Variants in MYO1D observed in about 807,000 individuals in gnomAD.
MYO1D encodes the protein myosin ID, also known as unconventional myosin-Id.
A neutral mutation model predicts 122.0 loss-of-function variants in MYO1D; 83 were observed. The ratio of observed to expected loss-of-function variants is 0.68; its 90% CI spans 0.57 to 0.82. The LOEUF (loss-of-function observed/expected upper bound fraction) is 0.82. Ranked by LOEUF, MYO1D falls within the 40% of genes least tolerant of loss-of-function variation. MYO1D has a pLI of 0.00. For synonymous variants in MYO1D, 464 were observed against 446.9 expected, an observed-to-expected ratio of 1.04 and a Z score of -0.48; for missense variants, 1,157 against 1,269.5, an observed-to-expected ratio of 0.91 and a Z score of 1.35.
At chr17:32,845,449 T>C (rs956891039) in intron 1 of MYO1D, among the ~76,000 whole-genome samples, 1 of 152,206 alleles carries the variant, frequency 6.6e-6, no homozygotes, top group African/African-American at 2.4e-5. Context: ...TAATGTCATT[T>C]TATATTTTCA....
At chr17:32,645,806 A>C (rs543982857) in intron 19 of MYO1D, among the ~76,000 whole-genome samples, 136 of 152,220 alleles carry the variant, frequency 8.9e-4, no homozygotes, top group African/African-American at 3.2e-3. Flanking sequence ...CCATTCATCT[A>C]ATCTTTTTTC....
At chr17:32,642,487 T>C (rs1322037554) in intron 19 of MYO1D, among the ~76,000 whole-genome samples, 5 of 152,210 alleles carry the variant, frequency 3.3e-5, no homozygotes, top group Admixed American at 2.6e-4. Context: ...GGTAGCTTGA[T>C]GGGGATGGCA....
At position 32,659,243 on chromosome 17, in the gene MYO1D, G is replaced by A. The variant is rs765573290; in HGVS notation, c.2217C>T (p.Tyr739=). 1.2e-6 allele frequency: 2 copies of A among 1,614,220 alleles called. No homozygotes were observed. Among genetic ancestry groups the A allele is most frequent in the Non-Finnish European group, 1.7e-6 (2 of 1,180,042 alleles). Residue 739 remains tyrosine (Y), a synonymous_variant, in exon 17 of 22, where the codon TAC becomes TAT. Coordinates refer to ENST00000318217, the MANE Select transcript of MYO1D (RefSeq NM_015194.3). ...GGAAGCGTCTGGCCACCTCGTGGATGTACGACTTCACTTTGTAGCGCCGGT... is the reference window on the plus strand; with the variant it reads ...GGAAGCGTCTGGCCACCTCGTGGATATACGACTTCACTTTGTAGCGCCGGT... The part of the protein sequence containing the change: ...RYYRRYKVKS[Y]IHEVARRFHG...
intron 13 of MYO1D, among the ~76,000 whole-genome samples, chr17:32,743,254 T>C (rs2089792641): frequency 6.6e-6 from 1 of 152,198 alleles, no homozygotes; most frequent in South Asian, 2.1e-4. Context: ...TGGCTTTAAA[T>C]ACAATCAATA....
intron 3 of MYO1D, among the ~76,000 whole-genome samples, chr17:32,777,054 T>C (rs1044630135): frequency 6.6e-6 from 1 of 152,190 alleles, no homozygotes; most frequent in African/African-American, 2.4e-5. Flanking sequence ...TAAGATATGT[T>C]TGTGAAAGAC....
At chr17:32,523,015 C>T (rs1193070420) in intron 21 of MYO1D, among the ~76,000 whole-genome samples, 2 of 152,154 alleles carry the variant, frequency 1.3e-5, no homozygotes, top group Admixed American at 6.5e-5. Context: ...CGGGGTTTCA[C>T]CATGTTAGCC....
At chr17:32,662,687 G>T (rs1447388242) in intron 16 of MYO1D, among the ~76,000 whole-genome samples, 1 of 151,568 alleles carries the variant, frequency 6.6e-6, no homozygotes, top group Non-Finnish European at 1.5e-5. Context: ...AAAAAAAAAA[G>T]AGCTGTGTAA....
chr17:32,553,463 C>A (rs1390604053), intron 21 of MYO1D, among the ~76,000 whole-genome samples: 1 of 152,020 alleles, frequency 6.6e-6, no homozygotes, highest in Non-Finnish European at 1.5e-5. Context: ...ACCAGGGCTG[C>A]GAATGGACCT....
At chr17:32,772,886 C>G (rs775637558) in intron 4 of MYO1D, 44 bp from the exon 5 acceptor site, 29 of 1,548,158 alleles carry the variant, frequency 1.9e-5, no homozygotes, top group Non-Finnish European at 2.2e-5. Context: ...AAATGTGCCC[C>G]TAAAATAAAA....
chr17:32,806,407 T>C (rs1241851530), intron 1 of MYO1D, among the ~76,000 whole-genome samples: 1 of 152,228 alleles, frequency 6.6e-6, no homozygotes, highest in Non-Finnish European at 1.5e-5. Flanking sequence ...TTTAGCTTTG[T>C]AGAAATAGTC....
intron 21 of MYO1D, among the ~76,000 whole-genome samples, chr17:32,596,916 G>A (rs187501690): frequency 6.6e-6 from 1 of 152,326 alleles, no homozygotes; most frequent in African/African-American, 2.4e-5. Context: ...GGTAGCTGCT[G>A]CTGAGAATGA....
chr17:32,668,975 T>G (rs1019771322), intron 16 of MYO1D, among the ~76,000 whole-genome samples: 2 of 152,118 alleles, frequency 1.3e-5, no homozygotes, highest in Non-Finnish European at 2.9e-5. Context: ...GTGCTGGGAT[T>G]ACAGGTGTGA....
chr17:32,741,656 G>A (rs562434840), intron 13 of MYO1D, among the ~76,000 whole-genome samples: 121 of 152,236 alleles, frequency 7.9e-4, no homozygotes, highest in African/African-American at 2.6e-3. Flanking sequence ...GACTTCCCAA[G>A]CACGTTTTCC....
intron 12 of MYO1D, among the ~76,000 whole-genome samples, chr17:32,747,340 A>G (rs1473697697): frequency 6.6e-6 from 1 of 152,166 alleles, no homozygotes; most frequent in Non-Finnish European, 1.5e-5. Flanking sequence ...TAAGATGAGG[A>G]GCAGTGTTCA....
At position 32,871,198 on chromosome 17, in the gene MYO1D, C is replaced by T. The variant is rs573209694; in HGVS notation, c.95+5580G>A. Among the ~76,000 whole-genome samples the T allele has an allele frequency of 7.9e-5, 12 of 152,268 alleles. No individual in the cohort carries two copies. In the South Asian group the frequency reaches 2.5e-3, roughly 32 times the overall value. Reference sequence around the variant, plus strand: ...TTGCATGCATGTGAGCACAAAGACACCCACCCACACACAACCCCCCCAGGG... The same window carrying T: ...TTGCATGCATGTGAGCACAAAGACATCCACCCACACACAACCCCCCCAGGG... On this transcript the variant is annotated intron_variant, in intron 1 of 21. Coordinates refer to ENST00000318217, the MANE Select transcript of MYO1D (RefSeq NM_015194.3).
At chr17:32,770,628 G>GA (rs1598084445) in intron 6 of MYO1D, among the ~76,000 whole-genome samples, 1 of 152,016 alleles carries the variant, frequency 6.6e-6, no homozygotes, top group Non-Finnish European at 1.5e-5. Flanking sequence ...CAAGAAAAGA[G>GA]AAAAAATGGA....
intron 21 of MYO1D, among the ~76,000 whole-genome samples, chr17:32,524,564 CTTTTTTTT>C (rs11323072): frequency 8.4e-6 from 1 of 119,306 alleles, no homozygotes; most frequent in Non-Finnish European, 1.7e-5. Flanking sequence ...CTGATTAATT[CTTTTTTTT>C]TTTTTTTTTT....
chr17:32,627,817 G>A (rs1048079405), intron 20 of MYO1D: 10 of 152,064 alleles, frequency 6.6e-5, no homozygotes, highest in African/African-American at 2.2e-4. Flanking sequence ...TATATGTTTC[G>A]GTTACTGTGC....
At chr17:32,641,313 A>AT in intron 19 of MYO1D, among the ~76,000 whole-genome samples, 1 of 151,336 alleles carries the variant, frequency 6.6e-6, no homozygotes, top group South Asian at 2.1e-4. Flanking sequence ...TATGTGCCAC[A>AT]TTTTCTTAAT....
Sources: gnomAD v4.1 joint callset for allele counts (sites outside exome capture counted in the v4.1 genomes callset) on GRCh38, gnomAD v4.1.1 for gene constraint, MANE v1.5 for transcripts, NCBI Gene and HGNC (gene_info 2026-07-23, HGNC 2026-07-21) for gene names.